Variants in JAM3 observed in about 807,000 individuals in gnomAD.
JAM3 encodes the protein junctional adhesion molecule C.
A neutral mutation model predicts 39.4 loss-of-function variants in JAM3; 31 were observed. The ratio of observed to expected loss-of-function variants is 0.79; its 90% CI spans 0.59 to 1.06. The LOEUF (loss-of-function observed/expected upper bound fraction) is 1.06, where lower values mean the gene tolerates loss of function less well. JAM3 is among the 50% of genes least tolerant of loss of function. JAM3 has a pLI of 0.00. For missense variants in JAM3, 455 were observed against 391.4 expected, an observed-to-expected ratio of 1.16 and a Z score of -1.37; for synonymous variants, 182 against 148.7, an observed-to-expected ratio of 1.22 and a Z score of -1.63.
chr11:134,126,002 C>G (rs1486816780), intron 1 of JAM3, among the ~76,000 whole-genome samples: 3 of 152,160 alleles, frequency 2.0e-5, no homozygotes, highest in Non-Finnish European at 2.9e-5. Flanking sequence ...CTAAAGGTCT[C>G]ACTTTCCTCT....
chr11:134,149,013 T>TG, intron 8 of JAM3, 133 bp from the exon 9 acceptor site: 3 of 1,115,532 alleles, frequency 2.7e-6, no homozygotes, highest in Non-Finnish European at 2.7e-6. Flanking sequence ...ATTTGTGCTT[T>TG]GCAAGCGCTA....
At chr11:134,137,096 G>C (rs1942879644) in intron 1 of JAM3, among the ~76,000 whole-genome samples, 1 of 147,818 alleles carries the variant, frequency 6.8e-6, no homozygotes, top group African/African-American at 2.6e-5. Flanking sequence ...CTGGCTGACA[G>C]AGCGAGACTC....
At chr11:134,090,710 AC>A (rs1941832756) in intron 1 of JAM3, among the ~76,000 whole-genome samples, 2 of 152,326 alleles carry the variant, frequency 1.3e-5, no homozygotes, top group East Asian at 1.9e-4. Flanking sequence ...CAGCCATGTA[AC>A]AAAGTTGTCT....
intron 1 of JAM3, among the ~76,000 whole-genome samples, chr11:134,089,010 T>C (rs1941795295): frequency 6.6e-6 from 1 of 152,194 alleles, no homozygotes; most frequent in Non-Finnish European, 1.5e-5. Context: ...TTCACCATTA[T>C]AAGCCATATA....
chr11:134,131,392 T>C (rs888668783), intron 1 of JAM3, among the ~76,000 whole-genome samples: 1 of 151,998 alleles, frequency 6.6e-6, no homozygotes. Context: ...AATGGACTAC[T>C]ACAGCCTTAA....
intron 8 of JAM3, 30 bp downstream of exon 8, chr11:134,148,848 G>A (rs1429335270): frequency 2.0e-5 from 32 of 1,609,878 alleles, no homozygotes; most frequent in Non-Finnish European, 2.5e-5. Context: ...GGAAACCTAG[G>A]TGTACCCAGC....
chr11:134,122,456 C>T (rs1217230520), intron 1 of JAM3, among the ~76,000 whole-genome samples: 2 of 152,176 alleles, frequency 1.3e-5, no homozygotes, highest in Admixed American at 6.5e-5. Flanking sequence ...AGAAAAACAC[C>T]TCTTCTGGAT....
At chr11:134,089,019 T>C (rs1478382301) in intron 1 of JAM3, among the ~76,000 whole-genome samples, 2 of 152,202 alleles carry the variant, frequency 1.3e-5, no homozygotes, top group South Asian at 2.1e-4. Flanking sequence ...ATAAGCCATA[T>C]AGGTGATTGT....
At chr11:134,108,569 G>T (rs1445078994) in intron 1 of JAM3, among the ~76,000 whole-genome samples, 1 of 152,124 alleles carries the variant, frequency 6.6e-6, no homozygotes, top group African/African-American at 2.4e-5. Flanking sequence ...CCAAGTTCTG[G>T]CTGTTTGTGT....
chr11:134,145,156 T>A, intron 5 of JAM3, 162 bp downstream of exon 5: 1 of 687,156 alleles, frequency 1.5e-6, no homozygotes, highest in Non-Finnish European at 2.6e-6. Context: ...CCTTCTTCCT[T>A]TTATAAACAA....
Position 134,139,901 on chromosome 11 carries a change from G to C in JAM3, c.127G>C (p.Val43Leu). 6.2e-7 allele frequency: 1 copy of C among 1,613,650 alleles called. No individual in the cohort carries two copies. The highest frequency in any genetic ancestry group is 8.5e-7 in the Non-Finnish European group (1 of 1,179,564). Residue 43 changes from valine to leucine, a missense_variant, in exon 2 of 9, where the codon GTA (valine) becomes CTA (leucine). Physicochemically the swap from Val to Leu is conservative, Grantham distance 32. Coordinates refer to ENST00000299106, the MANE Select transcript of JAM3 (RefSeq NM_032801.5). ...NLKSSNRTPV[V>L]QEFESVELSC... Reference sequence around the variant, plus strand: ...CAAATCCAGCAATCGAACCCCAGTGGTACAGGAATTTGAAAGTAAGTACAA... The same window carrying C: ...CAAATCCAGCAATCGAACCCCAGTGCTACAGGAATTTGAAAGTAAGTACAA...
At chr11:134,096,194 G>T (rs1941979780) in intron 1 of JAM3, among the ~76,000 whole-genome samples, 1 of 152,104 alleles carries the variant, frequency 6.6e-6, no homozygotes, top group South Asian at 2.1e-4. Context: ...CCAGTCTCTG[G>T]TCTCGAACTC....
Position 134,086,716 on chromosome 11 carries a change from A to G in JAM3, c.76+17557A>G, listed in dbSNP as rs76325550. Among the ~76,000 whole-genome samples the G allele has an allele frequency of 4.5e-3, 682 of 152,316 alleles. 3 individuals carry two copies. The highest frequency in any genetic ancestry group is 0.015 in the African/African-American group (633 of 41,576). Reference sequence around the variant, plus strand: ...AATGAGTTCAGGACAAGAAAATGCCACGTAAATAGATAGGGCTCCATGTTC... The same window carrying G: ...AATGAGTTCAGGACAAGAAAATGCCGCGTAAATAGATAGGGCTCCATGTTC... On this transcript the variant is annotated intron_variant, in intron 1 of 8. Transcript: ENST00000299106.
At chr11:134,104,262 G>A (rs1340330502) in intron 1 of JAM3, among the ~76,000 whole-genome samples, 3 of 152,098 alleles carry the variant, frequency 2.0e-5, no homozygotes, top group Admixed American at 6.5e-5. Context: ...TGACTACTGG[G>A]TACATAACAA....
rs534715752 is a variant in JAM3 at position 134,117,248 on chromosome 11, G to C, written c.77-22603G>C. 2.0e-5 allele frequency among the ~76,000 whole-genome samples: 3 copies of C among 152,130 alleles called. No homozygotes were observed. In the East Asian group the frequency reaches 5.8e-4, roughly 29 times the overall value. ...ATAAAATAACCGGGGATGGTGGTGG[G>C]CACCTGTAATCCCAGCTACTCAGGA... On this transcript the variant is annotated intron_variant, in intron 1 of 8. Coordinates refer to ENST00000299106, the MANE Select transcript of JAM3 (RefSeq NM_032801.5).
At chr11:134,137,213 A>G (rs1783814) in intron 1 of JAM3, among the ~76,000 whole-genome samples, 60,029 of 151,952 alleles carry the variant, frequency 0.4, 12,900 homozygotes, top group African/African-American at 0.58. Context: ...GCTTCTTTGA[A>G]GTTGTAAGAA....
rs1350204923 is a variant in JAM3, at chr11:134,149,626, A to AC, written c.*445_*446insC. 4 of 461,108 alleles carry AC rather than the reference A, an allele frequency of 8.7e-6. No individual in the cohort carries two copies. The highest frequency in any genetic ancestry group is 1.7e-5 in the Non-Finnish European group (4 of 230,262). The allele number at this position is 461,108 out of a possible 1,614,324, so 28.6% of individuals were successfully genotyped here. ...CAGCGCATCCCGGCGGGAACCCAGA[A>AC]AAGGCTTCTTACACAGCAGCCTTAC... is the stretch of plus-strand genomic sequence containing the variant. On this transcript the variant is annotated 3_prime_UTR_variant, in exon 9 of 9. Coordinates refer to ENST00000299106, the MANE Select transcript of JAM3 (RefSeq NM_032801.5).
intron 3 of JAM3, 62 bp from the exon 4 acceptor site, chr11:134,144,179 C>T (rs550255708): frequency 6.3e-7 from 1 of 1,582,146 alleles, no homozygotes; most frequent in African/African-American, 1.3e-5. Context: ...CAGAAACCAC[C>T]CTCTTCAAGT....
intron 1 of JAM3, among the ~76,000 whole-genome samples, chr11:134,078,580 G>A (rs896725616): frequency 6.6e-5 from 10 of 152,120 alleles, no homozygotes; most frequent in African/African-American, 1.7e-4. Context: ...GTGAGATCTC[G>A]TTGTTGGAGC....
Sources: allele counts gnomAD v4.1 joint callset (sites outside exome capture counted in the v4.1 genomes callset), GRCh38; gene constraint gnomAD v4.1.1; transcripts MANE v1.5; gene names NCBI Gene and HGNC (gene_info 2026-07-23, HGNC 2026-07-21).